Variants in KSR1 observed in about 807,000 individuals in gnomAD.
KSR1 encodes the protein kinase suppressor of ras.
In KSR1, 35 loss-of-function variants were observed where a neutral mutation model predicts 92.9. The observed-to-expected ratio is 0.38, with a 90% CI of 0.29 to 0.50. The LOEUF is 0.50. Among genes scored for constraint, KSR1 ranks in the 20% least tolerant of loss-of-function variants. The pLI is 0.94. For missense variants in KSR1, 972 were observed against 1,158.5 expected (o/e 0.84, Z 2.34); for synonymous variants, 467 against 472.6 (o/e 0.99, Z 0.15).
chr17:27,466,448 CGCCTGCCT>C lies in KSR1; in HGVS notation c.231+9588_231+9595del, dbSNP rs372165079. Among the ~76,000 whole-genome samples, 22 of 152,222 alleles carry C rather than the reference CGCCTGCCT, an allele frequency of 1.4e-4. 1 individual carries two copies. Among genetic ancestry groups the C allele is most frequent in the South Asian group, 1.2e-3 (6 of 4,828 alleles). ...GGAAACTTGCCGAGAGAGGTGTGCC[CGCCTGCCT>C]GCCTGCCTGCCTGGAGTTTGCACTT... On this transcript the variant is annotated intron_variant, in intron 1 of 20. Transcript: ENST00000644974.
intron 1 of KSR1, among the ~76,000 whole-genome samples, chr17:27,497,340 C>G (rs1367110039): frequency 1.3e-5 from 2 of 152,234 alleles, no homozygotes; most frequent in Non-Finnish European, 2.9e-5. Context: ...GTCCCAGTGA[C>G]TTTCACTTGT....
chr17:27,471,020 A>G (rs1181389622), intron 1 of KSR1, among the ~76,000 whole-genome samples: 1 of 152,040 alleles, frequency 6.6e-6, no homozygotes, highest in Admixed American at 6.6e-5. Context: ...ACAGGCACGC[A>G]CACTACACCC....
intron 2 of KSR1, among the ~76,000 whole-genome samples, chr17:27,563,854 G>A (rs1307905624): frequency 6.6e-6 from 1 of 151,954 alleles, no homozygotes; most frequent in African/African-American, 2.4e-5. Context: ...AGGCCACCTT[G>A]TCTAAGCTTA....
chr17:27,495,326 A>G (rs2068950231), intron 1 of KSR1, among the ~76,000 whole-genome samples: 1 of 152,118 alleles, frequency 6.6e-6, no homozygotes, highest in African/African-American at 2.4e-5. Context: ...CATAGTTTAT[A>G]TGTGTGCTTG....
chr17:27,563,644 G>A (rs373322872), intron 2 of KSR1, among the ~76,000 whole-genome samples: 1 of 152,302 alleles, frequency 6.6e-6, no homozygotes, highest in East Asian at 1.9e-4. Context: ...GGCCCCTTAA[G>A]TATTCAGTAT....
rs373743003 is a variant in KSR1, at chr17:27,592,316, C to A, written c.1131-45C>A. 1.8e-4 allele frequency: 274 copies of A among 1,534,256 alleles called. 1 individual carries two copies. The highest frequency in any genetic ancestry group is 2.3e-4 in the African/African-American group (17 of 73,136). On this transcript the variant is annotated intron_variant, in intron 7 of 20. Coordinates refer to ENST00000644974, the MANE Select transcript of KSR1 (RefSeq NM_001394583.1). ...CAGAGCTACCCCTGTGTGCCTGAGC[C>A]CCCCCATGTGGTGCTTTGCACACCA...
chr17:27,612,732 T>C (rs2073954596), intron 18 of KSR1: 1 of 152,244 alleles, frequency 6.6e-6, no homozygotes, highest in African/African-American at 2.4e-5. Context: ...CCAGTCAGTA[T>C]TTGGGCAGCA....
chr17:27,485,139 C>T (rs1462029914), intron 1 of KSR1, among the ~76,000 whole-genome samples: 3 of 152,168 alleles, frequency 2.0e-5, no homozygotes, highest in East Asian at 1.9e-4. Context: ...CACCAGCTCT[C>T]GGGCCATGGC....
intron 10 of KSR1, among the ~76,000 whole-genome samples, chr17:27,598,401 C>A (rs1382620792): frequency 2.0e-5 from 3 of 152,224 alleles, no homozygotes; most frequent in South Asian, 2.1e-4. Flanking sequence ...CCAGCTGGAG[C>A]CATACCCAGC....
chr17:27,492,465 C>A (rs1295045853), intron 1 of KSR1, among the ~76,000 whole-genome samples: 1 of 152,190 alleles, frequency 6.6e-6, no homozygotes, highest in Non-Finnish European at 1.5e-5. Context: ...AGTCAATAGA[C>A]CTGAGCCCAA....
chr17:27,489,625 AT>A (rs2068763069), intron 1 of KSR1, among the ~76,000 whole-genome samples: 1 of 151,906 alleles, frequency 6.6e-6, no homozygotes, highest in South Asian at 2.1e-4. Context: ...TCTGAATGAG[AT>A]TTGGGGGCAG....
chr17:27,605,601 C>T lies in KSR1; in HGVS notation c.1782C>T (p.Gly594=), dbSNP rs779388427. Residue 594 remains glycine, a synonymous_variant, in exon 14 of 21, where the codon GGC becomes GGT. Coordinates refer to ENST00000644974, the MANE Select transcript of KSR1 (RefSeq NM_001394583.1). ...TCCCCTTCGAGCAGGTAGAGCTGGG[C>T]GAGCCCATCGGGCAGGGCCGCTGGG... The part of the protein sequence containing the change: ...WDIPFEQVEL[G]EPIGQGRWGR... 25 of 1,601,928 alleles carry T rather than the reference C, an allele frequency of 1.6e-5. No individual in the cohort carries two copies. The highest frequency in any genetic ancestry group is 5.4e-5 in the African/African-American group (4 of 74,718).
chr17:27,490,463 C>A (rs2068788075), intron 1 of KSR1, among the ~76,000 whole-genome samples: 2 of 152,058 alleles, frequency 1.3e-5, no homozygotes, highest in Non-Finnish European at 2.9e-5. Context: ...CAGAGCAATC[C>A]CCCTTTTTTT....
At chr17:27,610,828 A>G (rs972314764) in intron 17 of KSR1, among the ~76,000 whole-genome samples, 6 of 152,204 alleles carry the variant, frequency 3.9e-5, no homozygotes, top group Non-Finnish European at 5.9e-5. Context: ...AGTCTTTAAA[A>G]TCTGGTGTGT....
At chr17:27,558,738 C>T (rs1413473397) in intron 2 of KSR1, among the ~76,000 whole-genome samples, 3 of 151,178 alleles carry the variant, frequency 2.0e-5, no homozygotes, top group Admixed American at 1.3e-4. Context: ...GAACAAAATC[C>T]GTGAAGTCTC....
intron 1 of KSR1, among the ~76,000 whole-genome samples, chr17:27,458,778 A>G (rs979384723): frequency 2.0e-5 from 3 of 151,218 alleles, no homozygotes; most frequent in African/African-American, 7.3e-5. Flanking sequence ...GTTTTGGGGG[A>G]TGGGAATTTA....
intron 1 of KSR1, among the ~76,000 whole-genome samples, chr17:27,526,086 T>TTCTC: frequency 1.1e-5 from 1 of 92,142 alleles, no homozygotes. Context: ...CTTTCTTTCT[T>TTCTC]TCTTTCTTTC....
chr17:27,568,307 AC>A (rs1363319732), intron 2 of KSR1, among the ~76,000 whole-genome samples: 1 of 152,072 alleles, frequency 6.6e-6, no homozygotes, highest in African/African-American at 2.4e-5. Flanking sequence ...TGGACAGACC[AC>A]CCCAAAGGAC....
chr17:27,507,315 C>G (rs1363536991), intron 1 of KSR1, among the ~76,000 whole-genome samples: 2 of 151,970 alleles, frequency 1.3e-5, no homozygotes, highest in African/African-American at 4.8e-5. Flanking sequence ...GGCCTGTAAT[C>G]CCAGCTACTG....
Sources: allele counts gnomAD v4.1 joint callset (sites outside exome capture counted in the v4.1 genomes callset), GRCh38; gene constraint gnomAD v4.1.1; transcripts MANE v1.5; gene names NCBI Gene and HGNC (gene_info 2026-07-23, HGNC 2026-07-21).